The following EBF1 variants were observed in gnomAD, a reference collection of about 807,000 sequenced individuals.
EBF1 encodes transcription factor COE1.
Under a neutral mutation model 68.4 loss-of-function variants are expected in EBF1, and 10 were observed. The observed-to-expected ratio is 0.15, with a 90% confidence interval of 0.09 to 0.25. The LOEUF (loss-of-function observed/expected upper bound fraction) is 0.25. EBF1 is among the 10% of genes least tolerant of loss of function. The probability of loss-of-function intolerance (pLI) is 1.00; values close to 1 mark genes in which losing one functional copy is unlikely to be tolerated. For synonymous variants in EBF1, 298 were observed against 299.8 expected (o/e 0.99, Z 0.06); for missense variants, 509 against 794.4 (o/e 0.64, Z 4.32).
chr5:158,733,555 G>A (rs1431992903), intron 10 of EBF1, among the ~76,000 whole-genome samples: 2 of 152,142 alleles, frequency 1.3e-5, no homozygotes, highest in Non-Finnish European at 2.9e-5. Context: ...CTAAAGAGCT[G>A]AAGAGAAGTC....
intron 6 of EBF1, among the ~76,000 whole-genome samples, chr5:158,948,588 G>C (rs1815330835): frequency 6.6e-6 from 1 of 152,126 alleles, no homozygotes; most frequent in Non-Finnish European, 1.5e-5. Context: ...GTATCATCAG[G>C]ACTCATCTTC....
At chr5:158,728,256 GC>G (rs1763396125) in intron 11 of EBF1, among the ~76,000 whole-genome samples, 1 of 152,190 alleles carries the variant, frequency 6.6e-6, no homozygotes, top group African/African-American at 2.4e-5. Context: ...GTGGGCTCCG[GC>G]CAGCCCTTGC....
chr5:158,730,904 C>T (rs1170973086), intron 11 of EBF1, 165 bp downstream of exon 11: 9 of 600,916 alleles, frequency 1.5e-5, no homozygotes, highest in Non-Finnish European at 1.8e-5. Context: ...TTGCCTGGCA[C>T]ATAAGTGCTT....
At chr5:158,872,146 C>A (rs1279903297) in intron 6 of EBF1, among the ~76,000 whole-genome samples, 2 of 152,088 alleles carry the variant, frequency 1.3e-5, no homozygotes, top group Non-Finnish European at 2.9e-5. Context: ...TTCCCTCTGC[C>A]TTTAGACTGG....
chr5:159,096,954 A>G lies in EBF1; in HGVS notation c.291+20T>C. On this transcript the variant is annotated intron_variant, in intron 2 of 15. Transcript: ENST00000313708. ...CGAGCCGAGCCGGGGACGAGGGGCG[A>G]CAGCGCTGCGCCCACTTACTTTTTC... 1 of 1,612,034 alleles carries G rather than the reference A, an allele frequency of 6.2e-7. No homozygotes were observed.
intron 5 of EBF1, among the ~76,000 whole-genome samples, chr5:159,080,741 A>G (rs1183401634): frequency 6.6e-6 from 1 of 152,230 alleles, no homozygotes; most frequent in Non-Finnish European, 1.5e-5. Flanking sequence ...AATCTTAATC[A>G]CCAACTTCTG....
chr5:158,902,762 G>T (rs920661960), intron 6 of EBF1, among the ~76,000 whole-genome samples: 3 of 152,014 alleles, frequency 2.0e-5, no homozygotes, highest in East Asian at 1.9e-4. Flanking sequence ...AGCCCAAAAG[G>T]CTTCTCGTAT....
chr5:158,811,542 C>A (rs1388884120), intron 8 of EBF1, among the ~76,000 whole-genome samples: 1 of 152,150 alleles, frequency 6.6e-6, no homozygotes, highest in African/African-American at 2.4e-5. Context: ...TTTAGTAAAA[C>A]TAATAATACT....
At chr5:158,755,864 A>G (rs1769956796) in intron 10 of EBF1, among the ~76,000 whole-genome samples, 1 of 152,176 alleles carries the variant, frequency 6.6e-6, no homozygotes, top group South Asian at 2.1e-4. Context: ...TATTCAAAAC[A>G]TAGTTTGGTG....
chr5:158,902,055 C>T (rs1803492771), intron 6 of EBF1, among the ~76,000 whole-genome samples: 1 of 152,170 alleles, frequency 6.6e-6, no homozygotes, highest in Non-Finnish European at 1.5e-5. Flanking sequence ...TGCAACACTG[C>T]ACTCCAGCCT....
Position 158,936,527 on chromosome 5 carries a change from A to G in EBF1, c.555-96417T>C, listed in dbSNP as rs571310551. On this transcript the variant is annotated intron_variant, in intron 6 of 15. Coordinates refer to ENST00000313708, the MANE Select transcript of EBF1 (RefSeq NM_024007.5). ...ATGAGTGCACCATACTAACATCAGC[A>G]TGTGGATGGCACACGGTAGGCTTCG... is the stretch of plus-strand genomic sequence containing the variant. Among the ~76,000 whole-genome samples, 19 of 152,356 alleles carry G rather than the reference A, an allele frequency of 1.2e-4. No individual in the cohort carries two copies. The South Asian group carries it at 2.9e-3, about 23-fold the overall frequency.
At chr5:158,935,219 G>C (rs548691138) in intron 6 of EBF1, among the ~76,000 whole-genome samples, 8 of 152,334 alleles carry the variant, frequency 5.3e-5, no homozygotes, top group Non-Finnish European at 1.0e-4. Context: ...GAGAAGATGA[G>C]AACAAGGCGT....
chr5:158,716,179 A>G (rs547265256), intron 11 of EBF1, among the ~76,000 whole-genome samples: 2 of 152,332 alleles, frequency 1.3e-5, no homozygotes, highest in East Asian at 1.9e-4. Flanking sequence ...TGAAGTTTTC[A>G]TAAGCCTGAA....
At position 158,819,163 on chromosome 5, in the gene EBF1, A is replaced by T. The variant is rs941875361; in HGVS notation, c.778+4013T>A. On this transcript the variant is annotated intron_variant, in intron 8 of 15. Coordinates refer to ENST00000313708, the MANE Select transcript of EBF1 (RefSeq NM_024007.5). ...ATAAAAAAATACATATATCCCCTTT[A>T]AAAAAATGAGCATTTAAACTGCTTG... is the stretch of plus-strand genomic sequence containing the variant. 2.6e-5 allele frequency among the ~76,000 whole-genome samples: 4 copies of T among 152,194 alleles called. No homozygotes were observed. In the East Asian group the frequency reaches 7.7e-4, roughly 29 times the overall value.
intron 7 of EBF1, among the ~76,000 whole-genome samples, chr5:158,825,043 T>C (rs1397031794): frequency 6.6e-6 from 1 of 152,186 alleles, no homozygotes; most frequent in Non-Finnish European, 1.5e-5. Flanking sequence ...CCAAATTCCA[T>C]CTAGAACAAA....
At chr5:159,096,499 C>T in intron 2 of EBF1, 93 bp from the exon 3 acceptor site, 1 of 1,450,868 alleles carries the variant, frequency 6.9e-7, no homozygotes, top group South Asian at 1.2e-5. Context: ...TTCCCCAAGC[C>T]GGGACCCCCG....
At chr5:158,891,189 C>A (rs1324059732) in intron 6 of EBF1, among the ~76,000 whole-genome samples, 1 of 152,132 alleles carries the variant, frequency 6.6e-6, no homozygotes, top group Non-Finnish European at 1.5e-5. Context: ...GAGAGGTTGG[C>A]ATTTTTAAAA....
intron 6 of EBF1, among the ~76,000 whole-genome samples, chr5:159,029,225 T>A (rs1381082487): frequency 1.3e-5 from 2 of 152,046 alleles, no homozygotes; most frequent in Non-Finnish European, 2.9e-5. Flanking sequence ...ATCTATTAAG[T>A]TAGGTAAAAG....
At chr5:158,814,227 C>T (rs1783255228) in intron 8 of EBF1, among the ~76,000 whole-genome samples, 1 of 152,056 alleles carries the variant, frequency 6.6e-6, no homozygotes, top group African/African-American at 2.4e-5. Context: ...CCTGTAGTCC[C>T]AGCTACTTGG....
Sources: gnomAD v4.1 joint callset for allele counts (sites outside exome capture counted in the v4.1 genomes callset) on GRCh38, gnomAD v4.1.1 for gene constraint, MANE v1.5 for transcripts, NCBI Gene and HGNC (gene_info 2026-07-23, HGNC 2026-07-21) for gene names.